SLC9A6: variants seen among roughly 807,000 people sequenced by gnomAD.
The protein encoded by SLC9A6 is sodium/hydrogen exchanger 6.
In SLC9A6, 6 loss-of-function variants were observed where a neutral mutation model predicts 45.3. That is an observed-to-expected ratio of 0.13 (90% confidence interval 0.07 to 0.26). SLC9A6 has a LOEUF of 0.26. SLC9A6 is among the 10% of genes least tolerant of loss of function. The pLI, the probability that SLC9A6 is intolerant of heterozygous loss-of-function variation, is 1.00. For synonymous variants in SLC9A6, 191 were observed against 187.7 expected, an observed-to-expected ratio of 1.02 and a Z score of -0.14; for missense variants, 278 against 503.7, an observed-to-expected ratio of 0.55 and a Z score of 4.29.
chrX:136,000,575 T>A (rs1404244877), intron 6 of SLC9A6, among the ~76,000 whole-genome samples: 1 of 112,411 alleles, frequency 8.9e-6, no homozygotes, highest in Non-Finnish European at 1.9e-5. Flanking sequence ...TTTTGTTTGA[T>A]AGGACTATTG....
At chrX:136,023,120 C>T (rs1450261392) in intron 12 of SLC9A6, among the ~76,000 whole-genome samples, 4 of 83,359 alleles carry the variant, frequency 4.8e-5, no homozygotes, top group Non-Finnish European at 4.6e-5. Context: ...CTATAATACT[C>T]CTTTAAACAT....
intron 17 of SLC9A6, among the ~76,000 whole-genome samples, chrX:136,040,941 C>A: frequency 1.8e-5 from 2 of 111,148 alleles, no homozygotes; most frequent in Middle Eastern, 4.6e-3. Flanking sequence ...GTCAACATGG[C>A]GAAACCCAGT....
chrX:136,023,191 A>G lies in SLC9A6; in HGVS notation c.1306+494A>G, dbSNP rs868992553. ...TATATATATATATATATATATATAT[A>G]TATATATATATATATATATATATAT... On this transcript the variant is annotated intron_variant, in intron 12 of 17. Coordinates refer to ENST00000630721, the MANE Select transcript of SLC9A6 (RefSeq NM_001379110.1). Among the ~76,000 whole-genome samples the G allele has an allele frequency of 9.3e-4, 39 of 41,800 alleles. 1 individual carries two copies. The highest frequency in any genetic ancestry group is 4.0e-3 in the African/African-American group (34 of 8,400). 36.3% of individuals were successfully genotyped at this position (41,800 alleles called of 115,157 possible).
chrX:135,979,713 G>T (rs1211962884), intron 1 of SLC9A6, among the ~76,000 whole-genome samples: 1 of 112,065 alleles, frequency 8.9e-6, no homozygotes, highest in Admixed American at 9.5e-5. Context: ...CTACTCTTCA[G>T]CAAGATGACC....
intron 3 of SLC9A6, among the ~76,000 whole-genome samples, chrX:135,996,989 A>C (rs1413599314): frequency 9.1e-6 from 1 of 110,366 alleles, no homozygotes; most frequent in Non-Finnish European, 1.9e-5. Flanking sequence ...GATGGTCTCG[A>C]TCTCCTGACT....
chrX:135,979,975 AG>A (rs1436545964), intron 1 of SLC9A6, among the ~76,000 whole-genome samples: 1 of 111,274 alleles, frequency 9.0e-6, no homozygotes, highest in African/African-American at 3.3e-5. Context: ...CATGTTGCCC[AG>A]GCTGGTCTTG....
chrX:136,032,091 GA>G (rs1477306981), intron 15 of SLC9A6, among the ~76,000 whole-genome samples: 2 of 112,017 alleles, frequency 1.8e-5, no homozygotes, highest in African/African-American at 6.5e-5. Flanking sequence ...TTACTGAGAT[GA>G]AGTTTCACTC....
intron 15 of SLC9A6, among the ~76,000 whole-genome samples, chrX:136,032,245 T>A (rs1556621221): frequency 1.8e-5 from 2 of 111,864 alleles, no homozygotes; most frequent in Non-Finnish European, 3.8e-5. Flanking sequence ...TTTTTTTGTG[T>A]GTTTTTAGTA....
intron 14 of SLC9A6, 88 bp downstream of exon 14, chrX:136,029,063 T>A: frequency 3.6e-6 from 1 of 279,920 alleles, no homozygotes; most frequent in South Asian, 2.3e-4. Context: ...ATGATTCTGC[T>A]TGAAGGGGTC....
intron 14 of SLC9A6, chrX:136,029,540 A>T (rs782265544): frequency 8.7e-6 from 1 of 115,058 alleles, no homozygotes; most frequent in African/African-American, 3.3e-5. Context: ...AGGAATGAAC[A>T]GAGTTTGTGA....
chrX:135,985,306 G>A (rs978531752), upstream of SLC9A6: 21 of 295,429 alleles, frequency 7.1e-5, no homozygotes, highest in African/African-American at 5.0e-4. Flanking sequence ...GCGCCTGTGG[G>A]TGCGTGTGAC....
At position 136,005,526 on chromosome X, in the gene SLC9A6, C is replaced by T. The variant is rs781903919; in HGVS notation, c.743+3313C>T. Among the ~76,000 whole-genome samples the T allele has an allele frequency of 1.3e-4, 15 of 112,040 alleles. No individual in the cohort carries two copies. The South Asian group carries it at 5.1e-3, about 38-fold the overall frequency. On this transcript the variant is annotated intron_variant, in intron 7 of 17. Coordinates refer to ENST00000630721, the MANE Select transcript of SLC9A6 (RefSeq NM_001379110.1). The stretch of plus-strand genomic sequence containing the variant: ...CAAAACCCTGTCTCTACTAAAAATA[C>T]AAAAATTAGTCAGGCGTGGTGGCAC...
chrX:136,040,265 T>G, intron 17 of SLC9A6, 84 bp downstream of exon 17: 2 of 758,253 alleles, frequency 2.6e-6, no homozygotes, highest in South Asian at 4.7e-5. Context: ...TTATTTTATT[T>G]TGGTTTGTTT....
intron 9 of SLC9A6, 76 bp downstream of exon 9, chrX:136,013,130 C>A: frequency 1.3e-6 from 1 of 765,798 alleles, no homozygotes; most frequent in Non-Finnish European, 2.0e-6. Context: ...CCAAGTGGAT[C>A]AGCTCCGTTA....
At chrX:136,041,756 G>A (rs1480682551) in intron 17 of SLC9A6, among the ~76,000 whole-genome samples, 1 of 111,970 alleles carries the variant, frequency 8.9e-6, no homozygotes, top group Non-Finnish European at 1.9e-5. Context: ...TACCAAAACC[G>A]AATGGCTTAA....
intron 1 of SLC9A6, among the ~76,000 whole-genome samples, chrX:135,977,565 A>T (rs1273080779): frequency 8.9e-5 from 10 of 112,117 alleles, no homozygotes; most frequent in Non-Finnish European, 1.7e-4. Context: ...ATAGATATTT[A>T]TGAGATATAT....
intron 15 of SLC9A6, among the ~76,000 whole-genome samples, chrX:136,031,613 C>T (rs1197460588): frequency 3.6e-5 from 4 of 111,219 alleles, no homozygotes; most frequent in South Asian, 3.8e-4. Context: ...GGCAGGAGAT[C>T]GTGCCACTGC....
chrX:136,025,310 G>C (rs2071207953), intron 13 of SLC9A6, among the ~76,000 whole-genome samples: 2 of 112,701 alleles, frequency 1.8e-5, no homozygotes, highest in Non-Finnish European at 3.7e-5. Flanking sequence ...TGCTGCTAAA[G>C]CCTTTGTAGA....
At chrX:136,018,129 C>T (rs2071055900) in intron 11 of SLC9A6, among the ~76,000 whole-genome samples, 1 of 112,068 alleles carries the variant, frequency 8.9e-6, no homozygotes, top group Non-Finnish European at 1.9e-5. Context: ...CAACCTGGTA[C>T]AGTGTGGGTG....
Sources: allele counts gnomAD v4.1 joint callset (sites outside exome capture counted in the v4.1 genomes callset), GRCh38; gene constraint gnomAD v4.1.1; transcripts MANE v1.5; gene names NCBI Gene and HGNC (gene_info 2026-07-23, HGNC 2026-07-21).